GNAZ: variants seen among roughly 807,000 people sequenced by gnomAD.
GNAZ encodes the protein guanine nucleotide-binding protein G(z) subunit alpha.
GNAZ carries 3 observed loss-of-function variants against 25.4 expected under a neutral mutation model. The ratio of observed to expected loss-of-function variants is 0.12; its 90% confidence interval spans 0.05 to 0.30. The LOEUF is 0.30. Ranked by LOEUF, GNAZ falls within the 10% of genes least tolerant of loss-of-function variation. The probability of loss-of-function intolerance (pLI) is 1.00; values close to 1 mark genes in which losing one functional copy is unlikely to be tolerated. For synonymous variants in GNAZ, 211 were observed against 205.7 expected (o/e 1.03, Z -0.22); for missense variants, 241 against 501.8 (o/e 0.48, Z 4.97).
intron 1 of GNAZ, among the ~76,000 whole-genome samples, chr22:23,089,620 C>T (rs1323480260): frequency 1.3e-5 from 2 of 152,152 alleles, no homozygotes; most frequent in Non-Finnish European, 2.9e-5. Flanking sequence ...GTTACAGGAA[C>T]AGACTTGAGA....
intron 1 of GNAZ, among the ~76,000 whole-genome samples, chr22:23,084,197 C>G (rs2068754849): frequency 6.6e-6 from 1 of 152,150 alleles, no homozygotes. Flanking sequence ...CAAGCAGTCC[C>G]CAACTTAGGA....
chr22:23,089,983 G>A (rs2068922017), intron 1 of GNAZ, among the ~76,000 whole-genome samples: 1 of 152,148 alleles, frequency 6.6e-6, no homozygotes, highest in Non-Finnish European at 1.5e-5. Context: ...TGTCGAACCT[G>A]GTGCCTGGCC....
At chr22:23,115,061 T>C (rs547520524) in intron 2 of GNAZ, among the ~76,000 whole-genome samples, 62 of 152,232 alleles carry the variant, frequency 4.1e-4, no homozygotes, top group Non-Finnish European at 5.9e-5. Context: ...TTGAGGCCCC[T>C]AGTTGGGCCA....
intron 1 of GNAZ, among the ~76,000 whole-genome samples, chr22:23,076,183 G>A (rs2068502215): frequency 6.6e-6 from 1 of 152,212 alleles, no homozygotes; most frequent in Non-Finnish European, 1.5e-5. Flanking sequence ...TCCTGACCAT[G>A]TTTCCTATGC....
rs986276855 is a variant in GNAZ at position 23,123,733 on chromosome 22, G to C, written c.*302G>C. On this transcript the variant is annotated 3_prime_UTR_variant, in exon 3 of 3. Transcript: ENST00000615612. ...CACAAGGTCACTACAAGCCCAACCT[G>C]CCCCTTCACTTTGCCTTCCTGAGTT... 1.5e-4 allele frequency: 58 copies of C among 375,174 alleles called. No homozygotes were observed. Among genetic ancestry groups the C allele is most frequent in the Non-Finnish European group, 2.4e-4 (49 of 204,936 alleles). The allele number at this position is 375,174 out of a possible 1,614,324, so 23.2% of individuals were successfully genotyped here. A position where few individuals can be genotyped will look rare whatever the true frequency, so the allele number is the denominator to read the frequency against.
chr22:23,083,905 GAGA>G (rs1197255615), intron 1 of GNAZ, among the ~76,000 whole-genome samples: 1 of 152,352 alleles, frequency 6.6e-6, no homozygotes, highest in Middle Eastern at 3.4e-3. Context: ...GTCCTCATCA[GAGA>G]AGGAGGTTCT....
At position 23,082,938 on chromosome 22, in the gene GNAZ, A is replaced by G. The variant is rs139170624; in HGVS notation, c.-449-12309A>G. On this transcript the variant is annotated intron_variant, in intron 1 of 2. Transcript: ENST00000615612. ...CCCCAGAAACTCCCATTTTAATTCAATAAGGTGTGAAGTGGTCAAGATCAT... is the reference window on the plus strand; with the variant it reads ...CCCCAGAAACTCCCATTTTAATTCAGTAAGGTGTGAAGTGGTCAAGATCAT... Among the ~76,000 whole-genome samples the G allele has an allele frequency of 2.9e-3, 441 of 152,186 alleles. 1 individual carries two copies. The highest frequency in any genetic ancestry group is 4.8e-3 in the South Asian group (23 of 4,818).
At chr22:23,081,821 CAAAAAA>C (rs55713577) in intron 1 of GNAZ, among the ~76,000 whole-genome samples, 1 of 46,746 alleles carries the variant, frequency 2.1e-5, no homozygotes, top group South Asian at 9.3e-4. Flanking sequence ...GATTCCATCT[CAAAAAA>C]AAAAAAAAAA....
chr22:23,121,005 C>T (rs2146396542), intron 2 of GNAZ, among the ~76,000 whole-genome samples: 1 of 152,316 alleles, frequency 6.6e-6, no homozygotes, highest in South Asian at 2.1e-4. Context: ...TATGATGTGG[C>T]TTCCAGGAAT....
chr22:23,104,081 G>A (rs922830782), intron 2 of GNAZ, among the ~76,000 whole-genome samples: 1 of 151,856 alleles, frequency 6.6e-6, no homozygotes, highest in Non-Finnish European at 1.5e-5. Flanking sequence ...ATCTGATCTG[G>A]ACCTTGCAGA....
intron 2 of GNAZ, among the ~76,000 whole-genome samples, chr22:23,109,975 C>T (rs929213869): frequency 2.6e-5 from 4 of 152,218 alleles, no homozygotes; most frequent in Admixed American, 6.5e-5. Context: ...AGTCATTAAC[C>T]CTCAATCCAA....
At chr22:23,108,178 C>A (rs897960602) in intron 2 of GNAZ, among the ~76,000 whole-genome samples, 3 of 152,268 alleles carry the variant, frequency 2.0e-5, no homozygotes, top group African/African-American at 7.2e-5. Flanking sequence ...CTGTACACAG[C>A]TGCCACACCA....
chr22:23,088,127 A>G (rs139499489), intron 1 of GNAZ, among the ~76,000 whole-genome samples: 1 of 152,316 alleles, frequency 6.6e-6, no homozygotes, highest in East Asian at 1.9e-4. Context: ...AATCTCTTTC[A>G]CTGTCTCAGT....
In GNAZ at chr22:23,095,880, A is replaced by T; in HGVS notation, c.185A>T (p.Asn62Ile). 1.2e-6 allele frequency: 2 copies of T among 1,613,732 alleles called. No homozygotes were observed. The highest frequency in any genetic ancestry group is 1.7e-6 in the Non-Finnish European group (2 of 1,180,030). ...QMKIIHSGGF[N>I]LEACKEYKPL... ...AAGATCATCCACAGCGGCGGCTTCA[A>T]CCTGGAGGCCTGCAAGGAGTACAAG... Residue 62 changes from asparagine (N) to isoleucine (I), a missense_variant, in exon 2 of 3, where the codon AAC (asparagine) becomes ATC (isoleucine). By Grantham distance (149) the Asn-to-Ile change is moderately radical (BLOSUM62 -3). Coordinates refer to ENST00000615612, the MANE Select transcript of GNAZ (RefSeq NM_002073.4).
In GNAZ at chr22:23,076,754, T is replaced by C. The variant is rs1048379660; in HGVS notation, c.-450+6184T>C. Among the ~76,000 whole-genome samples, 139 of 152,336 alleles carry C rather than the reference T, an allele frequency of 9.1e-4. 2 individuals carry two copies. The highest frequency in any genetic ancestry group is 3.2e-3 in the African/African-American group (135 of 41,582). On this transcript the variant is annotated intron_variant, in intron 1 of 2. Transcript: ENST00000615612. Reference sequence around the variant, plus strand: ...GTCCTAAGGGGATGAGCCAAGACCCTGAAGGTAGTAAAGGAACATGATGAT... The same window carrying C: ...GTCCTAAGGGGATGAGCCAAGACCCCGAAGGTAGTAAAGGAACATGATGAT...
intron 1 of GNAZ, among the ~76,000 whole-genome samples, chr22:23,082,375 C>CTT (rs1413043978): frequency 7.2e-4 from 95 of 131,800 alleles, no homozygotes; most frequent in African/African-American, 2.6e-3. Context: ...CCACACCTGG[C>CTT]TATTTTTTTT....
intron 1 of GNAZ, among the ~76,000 whole-genome samples, chr22:23,079,798 G>A (rs1272259479): frequency 6.6e-6 from 1 of 152,154 alleles, no homozygotes; most frequent in Non-Finnish European, 1.5e-5. Context: ...GCTGGGTCCA[G>A]CCACAACCTG....
chr22:23,105,655 T>C (rs1265744733), intron 2 of GNAZ, among the ~76,000 whole-genome samples: 2 of 152,212 alleles, frequency 1.3e-5, no homozygotes, highest in Non-Finnish European at 2.9e-5. Flanking sequence ...TTTCTTCGCA[T>C]GGTGATGGCG....
chr22:23,118,069 C>G (rs373058776), intron 2 of GNAZ, among the ~76,000 whole-genome samples: 1 of 152,344 alleles, frequency 6.6e-6, no homozygotes, highest in African/African-American at 2.4e-5. Flanking sequence ...TGTCAGCTCC[C>G]CTGCTGTAGT....
Sources: gnomAD v4.1 joint callset for allele counts (sites outside exome capture counted in the v4.1 genomes callset) on GRCh38, gnomAD v4.1.1 for gene constraint, MANE v1.5 for transcripts, NCBI Gene and HGNC (gene_info 2026-07-23, HGNC 2026-07-21) for gene names.